The following FGFR4 variants were observed in gnomAD, a reference collection of about 807,000 sequenced individuals.
FGFR4 encodes fibroblast growth factor receptor 4.
In FGFR4, 63 loss-of-function variants were observed where a neutral mutation model predicts 89.9. That is an observed-to-expected ratio of 0.70 (90% CI 0.57 to 0.86). The LOEUF (loss-of-function observed/expected upper bound fraction) is 0.86. FGFR4 is among the 40% of genes least tolerant of loss of function. The pLI is 0.00. For synonymous variants in FGFR4, 486 were observed against 479.4 expected, an observed-to-expected ratio of 1.01 and a Z score of -0.18; for missense variants, 928 against 1,106.7, an observed-to-expected ratio of 0.84 and a Z score of 2.29.
rs1433598054 is a variant in FGFR4 at position 177,089,895 on chromosome 5, T to C, written c.91+202T>C. On this transcript the variant is annotated intron_variant, in intron 2 of 17. Transcript: ENST00000292408. ...TATCACTGTGTCTGCGAGAGAGGAC[T>C]GGCCTTGCAGGGCGCAGGGCCCTAA... The C allele has an allele frequency of 3.8e-6, 3 of 791,920 alleles. No individual in the cohort carries two copies. In the African/African-American group the frequency reaches 5.1e-5, roughly 13 times the overall value. The allele number at this position is 791,920 out of a possible 1,614,324, so 49.1% of individuals were successfully genotyped here. A position where few individuals can be genotyped will look rare whatever the true frequency, so the allele number is the denominator to read the frequency against.
intron 11 of FGFR4, among the ~76,000 whole-genome samples, chr5:177,094,600 C>A (rs952193956): frequency 1.3e-5 from 2 of 151,770 alleles, no homozygotes; most frequent in Non-Finnish European, 2.9e-5. Context: ...GGCCCAGCCC[C>A]GGGGTGCTCT....
chr5:177,092,898 G>T (rs746011046), intron 8 of FGFR4, 114 bp downstream of exon 8: 6 of 1,527,056 alleles, frequency 3.9e-6, no homozygotes, highest in African/African-American at 2.7e-5. Flanking sequence ...GGCCTGGGGG[G>T]CAGTGTGTGG....
At position 177,097,856 on chromosome 5, in the gene FGFR4, A is replaced by C; in HGVS notation, c.*180A>C. 1 of 654,370 alleles carries C rather than the reference A, an allele frequency of 1.5e-6. No homozygotes were observed. Among genetic ancestry groups the C allele is most frequent in the Non-Finnish European group, 2.4e-6 (1 of 418,400 alleles). The allele number at this position is 654,370 out of a possible 1,614,324, so 40.5% of individuals were successfully genotyped here. A position where few individuals can be genotyped will look rare whatever the true frequency, so the allele number is the denominator to read the frequency against. The stretch of plus-strand genomic sequence containing the variant: ...CCGTGCCTGTGTCCTGATGGCCCAA[A>C]TGTCAGGGTTCTGCTCGGCTTCTTG... On this transcript the variant is annotated 3_prime_UTR_variant, in exon 18 of 18. Coordinates refer to ENST00000292408, the MANE Select transcript of FGFR4 (RefSeq NM_213647.3).
At position 177,095,771 on chromosome 5, in the gene FGFR4, T is replaced by C. The variant is rs2149738191; in HGVS notation, c.1821+48T>C. 6.7e-7 allele frequency: 1 copy of C among 1,492,260 alleles called. No individual in the cohort carries two copies. Among genetic ancestry groups the C allele is most frequent in the Non-Finnish European group, 8.9e-7 (1 of 1,118,408 alleles). The allele number at this position is 1,492,260 out of a possible 1,614,324, so 92.4% of individuals were successfully genotyped here. On this transcript the variant is annotated intron_variant, in intron 13 of 17. Coordinates refer to ENST00000292408, the MANE Select transcript of FGFR4 (RefSeq NM_213647.3). The surrounding 1 kb of genome is among the most constrained non-coding windows in gnomAD (Gnocchi z 5.7). ...CCCCTCTCAGTCTCTCCAGCTCCAC[T>C]CTCAGGCCTGTGGCATTCAATGTCC...
chr5:177,089,887 G>A, intron 2 of FGFR4, 194 bp downstream of exon 2: 3 of 805,614 alleles, frequency 3.7e-6, no homozygotes, highest in Non-Finnish European at 6.3e-6. Flanking sequence ...GTGTCTGCGA[G>A]AGAGGACTGG....
At position 177,095,392 on chromosome 5, in the gene FGFR4, G is replaced by T; in HGVS notation, c.1582G>T (p.Gly528Cys). The change falls in exon 12 of 18, where the codon GGC becomes TGC. Residue 528 changes from glycine (G) to cysteine (C), a missense_variant. By Grantham distance (159) the Gly-to-Cys change is radical. Around this residue, in one of 5 missense-constraint regions of FGFR4, gnomAD observed 741 missense variants for 836.9 expected, o/e 0.89. Transcript: ENST00000292408. The surrounding 1 kb of genome is among the most constrained non-coding windows in gnomAD (Gnocchi z 5.7). ...GGAGATGGAGGTGATGAAGCTGATC[G>T]GCCGACACAAGAACATCATCAACCT... ...VSEMEVMKLI[G>C]RHKNIINLLG... 2 of 1,614,160 alleles carry T rather than the reference G, an allele frequency of 1.2e-6. No homozygotes were observed.
At position 177,093,054 on chromosome 5, in the gene FGFR4, G is replaced by C; in HGVS notation, c.1058-84G>C. 6.4e-7 allele frequency: 1 copy of C among 1,557,288 alleles called. No homozygotes were observed. The highest frequency in any genetic ancestry group is 1.4e-5 in the African/African-American group (1 of 73,972). On this transcript the variant is annotated intron_variant, in intron 8 of 17. Coordinates refer to ENST00000292408, the MANE Select transcript of FGFR4 (RefSeq NM_213647.3). This position sits in a 1 kb window ranked among gnomAD's most constrained non-coding sequence, Gnocchi z 5.8. ...TGTCCCCACATATGTTGGGAGCTGG[G>C]AGGGACTGAGTTAGGGTGCACGGGG...
Position 177,091,245 on chromosome 5 carries a change from C to T in FGFR4, c.603+141C>T, listed in dbSNP as rs557066318. The stretch of plus-strand genomic sequence containing the variant: ...CCGGAAGGAGCCCTGGACTGTGGAC[C>T]TGGGCAGCTCTGGTTCCCCTTCTGC... On this transcript the variant is annotated intron_variant, in intron 5 of 17. Coordinates refer to ENST00000292408, the MANE Select transcript of FGFR4 (RefSeq NM_213647.3). 7.8e-6 allele frequency: 8 copies of T among 1,029,208 alleles called. No homozygotes were observed. In the East Asian group the frequency reaches 1.1e-4, roughly 14 times the overall value. 63.8% of individuals were successfully genotyped at this position (1,029,208 alleles called of 1,614,324 possible).
At chr5:177,091,634 C>T (rs759145650) in intron 5 of FGFR4, 51 bp from the exon 6 acceptor site, 5 of 1,605,482 alleles carry the variant, frequency 3.1e-6, no homozygotes, top group Admixed American at 3.3e-5. Flanking sequence ...GGTCCTCTGG[C>T]CCCCTTGGTG....
In FGFR4 at chr5:177,092,973, C is replaced by T. The variant is rs1023515924; in HGVS notation, c.1058-165C>T. 8 of 1,272,488 alleles carry T rather than the reference C, an allele frequency of 6.3e-6. No homozygotes were observed. In the African/African-American group the frequency reaches 7.4e-5, roughly 12 times the overall value. 78.8% of individuals were successfully genotyped at this position (1,272,488 alleles called of 1,614,324 possible). On this transcript the variant is annotated intron_variant, in intron 8 of 17. Coordinates refer to ENST00000292408, the MANE Select transcript of FGFR4 (RefSeq NM_213647.3). ...CTCCACACGTGGCCGTCCATGTGAC[C>T]GTCTGCTGAGGTGTGGGTGCCTGGG...
rs146400837 is a variant in FGFR4, at chr5:177,091,099, A to G, written c.598A>G (p.Ile200Val). ...TCATGGGGAGAACCGCATTGGAGGC[A>G]TTCGGGTGAGTCTCTGGGTTCCAAG... ...AFHGENRIGG[I>V]RLRHQHWSLV... Residue 200 changes from isoleucine to valine, a missense_variant, in exon 5 of 18, where the codon ATT (isoleucine) becomes GTT (valine). By Grantham distance (29) the Ile-to-Val change is conservative. Coordinates refer to ENST00000292408, the MANE Select transcript of FGFR4 (RefSeq NM_213647.3). 3 of 1,574,908 alleles carry G rather than the reference A, an allele frequency of 1.9e-6. No homozygotes were observed. The highest frequency in any genetic ancestry group is 4.6e-5 in the East Asian group (2 of 43,416).
Position 177,089,606 on chromosome 5 carries a change from C to T in FGFR4, c.4C>T (p.Arg2Trp), listed in dbSNP as rs545721160. ...CCCTGAGAGCTGTGAGAAGGAGATGCGGCTGCTGCTGGCCCTGTTGGGGGT... is the reference window on the plus strand; with the variant it reads ...CCCTGAGAGCTGTGAGAAGGAGATGTGGCTGCTGCTGGCCCTGTTGGGGGT... M[R>W]LLLALLGVLL... The change falls in exon 2 of 18, where the codon CGG (arginine) becomes TGG (tryptophan). Residue 2 changes from arginine (R) to tryptophan (W), a missense_variant. Coordinates refer to ENST00000292408, the MANE Select transcript of FGFR4 (RefSeq NM_213647.3). 25 of 1,612,750 alleles carry T rather than the reference C, an allele frequency of 1.6e-5. No homozygotes were observed. Among genetic ancestry groups the T allele is most frequent in the Middle Eastern group, 1.6e-4 (1 of 6,070 alleles).
At position 177,095,921 on chromosome 5, in the gene FGFR4, A is replaced by ACTCCC. The variant is rs1477564113; in HGVS notation, c.1822-134_1822-130dup. The ACTCCC allele has an allele frequency of 7.4e-7, 1 of 1,343,748 alleles. No individual in the cohort carries two copies. The highest frequency in any genetic ancestry group is 9.9e-7 in the Non-Finnish European group (1 of 1,005,364). 83.2% of individuals were successfully genotyped at this position (1,343,748 alleles called of 1,614,324 possible). A position where few individuals can be genotyped will look rare whatever the true frequency, so the allele number is the denominator to read the frequency against. ...GGGGAGAGGGGACGCAGGAGAAGGC[A>ACTCCC]CTCCCCGTTTCTAAACCTTGACCTC... On this transcript the variant is annotated intron_variant, in intron 13 of 17. Transcript: ENST00000292408. This position sits in a 1 kb window ranked among gnomAD's most constrained non-coding sequence, Gnocchi z 5.7.
Position 177,090,524 on chromosome 5 carries a change from G to C in FGFR4, c.226G>C (p.Ala76Pro), listed in dbSNP as rs1361852497. ...WYKEGSRLAPAGRVRGWRGRL... is the reference protein window; with the variant it reads ...WYKEGSRLAPPGRVRGWRGRL... ...CAAGGAGGGCAGTCGCCTGGCACCT[G>C]CTGGCCGTGTACGGGGCTGGAGGGG... Residue 76 changes from alanine (A) to proline (P), a missense_variant, in exon 3 of 18, where the codon GCT becomes CCT. By Grantham distance (27) the Ala-to-Pro change is conservative. Transcript: ENST00000292408. 1 of 1,559,798 alleles carries C rather than the reference G, an allele frequency of 6.4e-7. No individual in the cohort carries two copies. The highest frequency in any genetic ancestry group is 1.2e-5 in the South Asian group (1 of 81,292).
intron 8 of FGFR4, 166 bp downstream of exon 8, chr5:177,092,950 C>A: frequency 7.7e-7 from 1 of 1,295,234 alleles, no homozygotes; most frequent in Non-Finnish European, 1.1e-6. Context: ...CTGTGCCTCT[C>A]CACACGTGGC....
rs764256744 is a variant in FGFR4, at chr5:177,092,312, G to A, written c.728-9G>A. On this transcript the variant is annotated splice_polypyrimidine_tract_variant and intron_variant, in intron 6 of 17. Coordinates refer to ENST00000292408, the MANE Select transcript of FGFR4 (RefSeq NM_213647.3). Reference sequence around the variant, plus strand: ...GTGGTCAGGGTTGACTGTCTCGCCCGGTCCCCAGAGCGGTCCCCGCACCGG... The same window carrying A: ...GTGGTCAGGGTTGACTGTCTCGCCCAGTCCCCAGAGCGGTCCCCGCACCGG... The A allele has an allele frequency of 2.6e-6, 4 of 1,550,486 alleles. No homozygotes were observed. Among genetic ancestry groups the A allele is most frequent in the African/African-American group, 1.4e-5 (1 of 73,156 alleles).
rs2149736255 is a variant in FGFR4, at chr5:177,093,712, G to A, written c.1456G>A (p.Ala486Thr). Reference protein sequence around the residue: ...GCFGQVVRAEAFGMDPARPDQ... With the variant: ...GCFGQVVRAETFGMDPARPDQ... Reference sequence around the variant, plus strand: ...CTTTGGCCAGGTAGTACGTGCAGAGGCCTTTGGCATGGACCCTGCCCGGCC... The same window carrying A: ...CTTTGGCCAGGTAGTACGTGCAGAGACCTTTGGCATGGACCCTGCCCGGCC... The change falls in exon 11 of 18, where the codon GCC becomes ACC. Residue 486 changes from alanine (A) to threonine (T), a missense_variant. Ala to Thr is a moderately conservative substitution (Grantham distance 58). This residue lies in a region of FGFR4 where 741 missense variants were observed against 836.9 expected (regional missense o/e 0.89). Coordinates refer to ENST00000292408, the MANE Select transcript of FGFR4 (RefSeq NM_213647.3). The surrounding 1 kb of genome is among the most constrained non-coding windows in gnomAD (Gnocchi z 5.8). 6.2e-7 allele frequency: 1 copy of A among 1,614,204 alleles called. No individual in the cohort carries two copies. Among genetic ancestry groups the A allele is most frequent in the Non-Finnish European group, 8.5e-7 (1 of 1,180,030 alleles).
chr5:177,088,678 G>A (rs1401304725), intron 1 of FGFR4, among the ~76,000 whole-genome samples: 2 of 152,160 alleles, frequency 1.3e-5, no homozygotes, highest in Admixed American at 1.3e-4. Flanking sequence ...GAAGAGGATA[G>A]CCAGCTGGGG....
chr5:177,096,045 C>G lies in FGFR4; in HGVS notation c.1822-12C>G. On this transcript the variant is annotated splice_polypyrimidine_tract_variant and intron_variant, in intron 13 of 17. Coordinates refer to ENST00000292408, the MANE Select transcript of FGFR4 (RefSeq NM_213647.3). ...AGGTGTCCTGAGGCACCCAAGCCCC[C>G]GCTCCCTGCAGTGTATCCACCGGGA... 4 of 1,611,582 alleles carry G rather than the reference C, an allele frequency of 2.5e-6. No homozygotes were observed. Among genetic ancestry groups the G allele is most frequent in the Non-Finnish European group, 1.7e-6 (2 of 1,178,878 alleles).
Sources: allele counts gnomAD v4.1 joint callset (sites outside exome capture counted in the v4.1 genomes callset), GRCh38; gene constraint gnomAD v4.1.1; regional missense constraint gnomAD v4.1.1; non-coding constraint Gnocchi (gnomAD v3.1); transcripts MANE v1.5; gene names NCBI Gene and HGNC (gene_info 2026-07-23, HGNC 2026-07-21).